TNRC6A: variants seen among roughly 807,000 people sequenced by gnomAD.
TNRC6A encodes trinucleotide repeat-containing gene 6A protein.
A neutral mutation model predicts 221.2 loss-of-function variants in TNRC6A; 44 were observed. The ratio of observed to expected loss-of-function variants is 0.20; its 90% CI spans 0.16 to 0.26. The LOEUF (loss-of-function observed/expected upper bound fraction) is 0.26. Among genes scored for constraint, TNRC6A ranks in the 10% least tolerant of loss-of-function variants. TNRC6A has a pLI of 1.00. For missense variants in TNRC6A, 2,199 were observed against 2,404.4 expected, an observed-to-expected ratio of 0.91 and a Z score of 1.79; for synonymous variants, 847 against 838.5, an observed-to-expected ratio of 1.01 and a Z score of -0.18.
chr16:24,741,992 G>A (rs931018582), intron 2 of TNRC6A, among the ~76,000 whole-genome samples: 1 of 152,068 alleles, frequency 6.6e-6, no homozygotes, highest in African/African-American at 2.4e-5. Context: ...ATGTGCCACT[G>A]TACCTGGCTA....
intron 2 of TNRC6A, among the ~76,000 whole-genome samples, chr16:24,733,988 A>G (rs556613859): frequency 2.0e-5 from 3 of 152,276 alleles, no homozygotes; most frequent in South Asian, 4.1e-4. Context: ...CCTGTGCAAC[A>G]TGATAAGACT....
chr16:24,675,743 C>A (rs1239907525), intron 2 of TNRC6A, among the ~76,000 whole-genome samples: 1 of 86,594 alleles, frequency 1.2e-5, no homozygotes, highest in Non-Finnish European at 2.4e-5. Flanking sequence ...TATATATATG[C>A]ACACAACACA....
intron 2 of TNRC6A, among the ~76,000 whole-genome samples, chr16:24,689,330 A>C (rs2055703776): frequency 1.3e-5 from 2 of 152,212 alleles, no homozygotes; most frequent in African/African-American, 2.4e-5. Context: ...GGTGGCAGCG[A>C]GGAAGGTGGG....
intron 2 of TNRC6A, among the ~76,000 whole-genome samples, chr16:24,660,445 C>CATATAT (rs56962784): frequency 1.3e-4 from 20 of 151,218 alleles, no homozygotes; most frequent in African/African-American, 4.4e-4. Flanking sequence ...TTCCATCATT[C>CATATAT]ATATATATAT....
At chr16:24,638,184 G>A (rs543558203) in intron 1 of TNRC6A, among the ~76,000 whole-genome samples, 2 of 152,282 alleles carry the variant, frequency 1.3e-5, no homozygotes, top group East Asian at 1.9e-4. Flanking sequence ...TTGGGAGGCC[G>A]AGGCAGGAGG....
chr16:24,737,792 G>A (rs868010453), intron 2 of TNRC6A, among the ~76,000 whole-genome samples: 7 of 152,312 alleles, frequency 4.6e-5, no homozygotes, highest in Middle Eastern at 6.8e-3. Flanking sequence ...TGACGTCTGT[G>A]TTTTGTTGAC....
Position 24,776,209 on chromosome 16 carries a change from A to C in TNRC6A, c.164-724A>C, listed in dbSNP as rs369348770. On this transcript the variant is annotated intron_variant, in intron 4 of 24. Transcript: ENST00000395799. Reference sequence around the variant, plus strand: ...AGCTTAAGGCATTTCCATCCGTTTTATTTCTTTCTTTCCACTCTTTTATGA... The same window carrying C: ...AGCTTAAGGCATTTCCATCCGTTTTCTTTCTTTCTTTCCACTCTTTTATGA... The C allele has an allele frequency of 7.0e-5, 66 of 944,644 alleles. No homozygotes were observed. The African/African-American group carries it at 8.9e-4, about 13-fold the overall frequency. 58.5% of individuals were successfully genotyped at this position (944,644 alleles called of 1,614,324 possible).
chr16:24,739,375 A>AT (rs1267437065), intron 2 of TNRC6A, among the ~76,000 whole-genome samples: 3 of 150,942 alleles, frequency 2.0e-5, no homozygotes, highest in Non-Finnish European at 1.5e-5. Flanking sequence ...ATTAGGTGAT[A>AT]TTTTTTGTCA....
chr16:24,819,954 T>C (rs1341528949), intron 21 of TNRC6A, among the ~76,000 whole-genome samples, 185 bp from the exon 22 acceptor site: 1 of 152,226 alleles, frequency 6.6e-6, no homozygotes. Flanking sequence ...CTTGAGTGTT[T>C]GGAGGGATGG....
At chr16:24,721,379 A>G (rs1487494422) in intron 2 of TNRC6A, among the ~76,000 whole-genome samples, 1 of 152,040 alleles carries the variant, frequency 6.6e-6, no homozygotes, top group Non-Finnish European at 1.5e-5. Flanking sequence ...CAATTAACAC[A>G]AGGAAGAGGC....
At chr16:24,766,025 AG>A (rs1316481278) in intron 4 of TNRC6A, among the ~76,000 whole-genome samples, 2 of 152,250 alleles carry the variant, frequency 1.3e-5, no homozygotes, top group Non-Finnish European at 2.9e-5. Context: ...ACTGATCTAC[AG>A]GACAAAGGAA....
At chr16:24,760,227 T>C (rs1748872112) in intron 4 of TNRC6A, among the ~76,000 whole-genome samples, 1 of 152,190 alleles carries the variant, frequency 6.6e-6, no homozygotes, top group African/African-American at 2.4e-5. Flanking sequence ...CTTGAATGGG[T>C]CTCTCCAAGT....
chr16:24,616,493 C>T (rs143903565), intron 1 of TNRC6A, among the ~76,000 whole-genome samples: 14 of 152,192 alleles, frequency 9.2e-5, no homozygotes, highest in African/African-American at 3.1e-4. Context: ...ACAGAAGCCA[C>T]GCAAAATATG....
intron 5 of TNRC6A, 110 bp downstream of exon 5, chr16:24,777,468 G>C: frequency 9.2e-7 from 1 of 1,081,662 alleles, no homozygotes. Flanking sequence ...CAGTATGTGG[G>C]CTTTAATGTA....
chr16:24,797,511 A>G lies in TNRC6A; in HGVS notation c.3583A>G (p.Lys1195Glu). 1 of 1,611,218 alleles carries G rather than the reference A, an allele frequency of 6.2e-7. No individual in the cohort carries two copies. Among genetic ancestry groups the G allele is most frequent in the Non-Finnish European group, 8.5e-7 (1 of 1,179,232 alleles). ...AAAGGGAATGATGAAAGGTGGAAAC[A>G]AACAAGAAGAAGCGTGGATAAATCC... ...RERGMMKGGN[K>E]QEEAWINPFV... Residue 1195 changes from lysine (K) to glutamate (E), a missense_variant, in exon 10 of 25, where the codon AAA becomes GAA. Physicochemically the swap from Lys to Glu is moderately conservative, Grantham distance 56 (BLOSUM62 1). This residue lies in a region of TNRC6A where 158 missense variants were observed against 159.1 expected (regional missense o/e 0.99). Coordinates refer to ENST00000395799, the MANE Select transcript of TNRC6A (RefSeq NM_014494.4).
chr16:24,758,389 CT>C, intron 4 of TNRC6A, 29 bp downstream of exon 4: 4 of 1,606,728 alleles, frequency 2.5e-6, no homozygotes, highest in South Asian at 1.1e-5. Flanking sequence ...TTTTTTATCC[CT>C]TTTTTCATTA....
intron 2 of TNRC6A, among the ~76,000 whole-genome samples, chr16:24,717,595 G>A (rs531002205): frequency 6.6e-6 from 1 of 152,100 alleles, no homozygotes; most frequent in Admixed American, 6.6e-5. Flanking sequence ...ATTTGCATTT[G>A]TCAGATAAAG....
chr16:24,696,246 G>C (rs2055857112), intron 2 of TNRC6A, among the ~76,000 whole-genome samples: 1 of 151,886 alleles, frequency 6.6e-6, no homozygotes, highest in South Asian at 2.1e-4. Flanking sequence ...TACTCGGGAG[G>C]CTGAGGCAGG....
chr16:24,628,563 G>A (rs1357515013), intron 1 of TNRC6A, among the ~76,000 whole-genome samples: 2 of 152,108 alleles, frequency 1.3e-5, no homozygotes, highest in Non-Finnish European at 2.9e-5. Context: ...TACTCAAACT[G>A]AAGATGACGA....
Sources: gnomAD v4.1 joint callset for allele counts (sites outside exome capture counted in the v4.1 genomes callset) on GRCh38, gnomAD v4.1.1 for gene constraint, gnomAD v4.1.1 regional missense constraint, MANE v1.5 for transcripts, NCBI Gene and HGNC (gene_info 2026-07-23, HGNC 2026-07-21) for gene names.